Variants in TTC39B observed in about 807,000 individuals in gnomAD.
TTC39B encodes the protein tetratricopeptide repeat domain 39B.
Under a neutral mutation model 96.6 loss-of-function variants are expected in TTC39B, and 92 were observed. The observed-to-expected ratio is 0.95, with a 90% CI of 0.80 to 1.13. The LOEUF is 1.13. Among genes scored for constraint, TTC39B ranks in the 50% most tolerant of loss-of-function variants. The probability of loss-of-function intolerance (pLI) is 0.00; values close to 1 mark genes in which losing one functional copy is unlikely to be tolerated. For missense variants in TTC39B, 955 were observed against 809.3 expected (o/e 1.18, Z -2.18); for synonymous variants, 367 against 299.4 (o/e 1.23, Z -2.33).
chr9:15,289,377 CA>C (rs1824096903), intron 1 of TTC39B, among the ~76,000 whole-genome samples: 2 of 152,176 alleles, frequency 1.3e-5, no homozygotes, highest in Admixed American at 6.5e-5. Context: ...ACTTTATACA[CA>C]AATGCTAATT....
intron 2 of TTC39B, among the ~76,000 whole-genome samples, chr9:15,248,819 T>C (rs1358523425): frequency 2.0e-5 from 3 of 152,166 alleles, no homozygotes; most frequent in Non-Finnish European, 4.4e-5. Flanking sequence ...CCTTGATTTA[T>C]TTTACCCTGC....
At chr9:15,173,130 A>C (rs1335411408) in intron 19 of TTC39B, among the ~76,000 whole-genome samples, 1 of 152,152 alleles carries the variant, frequency 6.6e-6, no homozygotes, top group African/African-American at 2.4e-5. Flanking sequence ...TTATCTTATA[A>C]AGTTGCCTTA....
At position 15,211,133 on chromosome 9, in the gene TTC39B, G is replaced by A. The variant is rs1161650900; in HGVS notation, c.614+133C>T. 5 of 1,046,156 alleles carry A rather than the reference G, an allele frequency of 4.8e-6. No individual in the cohort carries two copies. In the South Asian group the frequency reaches 8.4e-5, roughly 18 times the overall value. 64.8% of individuals were successfully genotyped at this position (1,046,156 alleles called of 1,614,324 possible). ...TGCCAAATGGGAATCCTTCAGCTTC[G>A]AGGCTGAATTTCTTTTCTGTAACTG... On this transcript the variant is annotated intron_variant, in intron 5 of 19. Transcript: ENST00000512701.
At chr9:15,244,951 T>C (rs1041078157) in intron 2 of TTC39B, among the ~76,000 whole-genome samples, 1 of 151,330 alleles carries the variant, frequency 6.6e-6, no homozygotes, top group South Asian at 2.1e-4. Flanking sequence ...AGAAAAAAAA[T>C]AAAGGCTTCC....
intron 7 of TTC39B, among the ~76,000 whole-genome samples, chr9:15,202,293 C>T (rs1245936327): frequency 1.3e-5 from 2 of 152,152 alleles, no homozygotes; most frequent in Non-Finnish European, 2.9e-5. Flanking sequence ...TGTTATCAAC[C>T]AGTCTTTGTA....
At chr9:15,208,824 C>T (rs1564347964) in intron 6 of TTC39B, among the ~76,000 whole-genome samples, 1 of 152,144 alleles carries the variant, frequency 6.6e-6, no homozygotes, top group African/African-American at 2.4e-5. Flanking sequence ...AATACTCTAG[C>T]TTCACATCAT....
intron 3 of TTC39B, among the ~76,000 whole-genome samples, chr9:15,217,589 G>C (rs879311278): frequency 3.3e-5 from 5 of 152,154 alleles, no homozygotes; most frequent in Admixed American, 2.0e-4. Context: ...CTTCTGTCAA[G>C]TATCTCTCGG....
At chr9:15,204,943 C>CT (rs1297628456) in intron 6 of TTC39B, among the ~76,000 whole-genome samples, 1 of 152,166 alleles carries the variant, frequency 6.6e-6, no homozygotes, top group Non-Finnish European at 1.5e-5. Context: ...CAAACCTTTA[C>CT]TTTTTTCCAT....
At chr9:15,198,432 G>C (rs1819310233) in intron 8 of TTC39B, among the ~76,000 whole-genome samples, 1 of 148,638 alleles carries the variant, frequency 6.7e-6, no homozygotes, top group Non-Finnish European at 1.5e-5. Context: ...ACTCCAGCCT[G>C]GGCAACAAAG....
chr9:15,275,843 C>A (rs114094168), intron 1 of TTC39B, among the ~76,000 whole-genome samples: 38 of 152,302 alleles, frequency 2.5e-4, no homozygotes, highest in Non-Finnish European at 4.7e-4. Flanking sequence ...TCCATCTTCA[C>A]TCACAGTGTT....
intron 2 of TTC39B, among the ~76,000 whole-genome samples, chr9:15,230,866 T>C (rs1821382680): frequency 6.6e-6 from 1 of 152,082 alleles, no homozygotes; most frequent in African/African-American, 2.4e-5. Context: ...ACACCCGTAA[T>C]TCCAGCTACT....
intron 1 of TTC39B, among the ~76,000 whole-genome samples, chr9:15,273,080 G>C (rs139475439): frequency 1.3e-5 from 2 of 152,312 alleles, no homozygotes; most frequent in African/African-American, 2.4e-5. Context: ...GTCATATTCT[G>C]AGTAGCAAAA....
At chr9:15,266,175 A>G (rs968736157) in intron 2 of TTC39B, among the ~76,000 whole-genome samples, 1 of 152,038 alleles carries the variant, frequency 6.6e-6, no homozygotes, top group Non-Finnish European at 1.5e-5. Context: ...AATACTCTGT[A>G]CTACCTCCTC....
intron 3 of TTC39B, among the ~76,000 whole-genome samples, chr9:15,217,047 C>A (rs1328012298): frequency 6.6e-6 from 1 of 152,070 alleles, no homozygotes; most frequent in Non-Finnish European, 1.5e-5. Context: ...ATGGGAATAT[C>A]TAGGTTGAGG....
chr9:15,234,361 G>C (rs1821651418), intron 2 of TTC39B, among the ~76,000 whole-genome samples: 1 of 145,466 alleles, frequency 6.9e-6, no homozygotes, highest in Non-Finnish European at 1.5e-5. Context: ...GGAGGTGGGG[G>C]GGTCAGCCCC....
At chr9:15,282,663 A>G (rs1823810212) in intron 1 of TTC39B, among the ~76,000 whole-genome samples, 1 of 152,194 alleles carries the variant, frequency 6.6e-6, no homozygotes, top group Non-Finnish European at 1.5e-5. Context: ...CTGCTCCACA[A>G]ACTTTTACAT....
intron 2 of TTC39B, among the ~76,000 whole-genome samples, chr9:15,262,626 C>G (rs1388760275): frequency 6.6e-6 from 1 of 151,742 alleles, no homozygotes; most frequent in Non-Finnish European, 1.5e-5. Context: ...CCACAAAGAT[C>G]CAGAGGTAGG....
chr9:15,276,880 C>T (rs755169082), intron 1 of TTC39B, among the ~76,000 whole-genome samples: 2 of 152,186 alleles, frequency 1.3e-5, no homozygotes, highest in African/African-American at 2.4e-5. Flanking sequence ...TACAACTTCA[C>T]AGGATATTAA....
chr9:15,266,962 C>G (rs549756025), intron 2 of TTC39B, among the ~76,000 whole-genome samples: 9 of 152,236 alleles, frequency 5.9e-5, no homozygotes, highest in African/African-American at 2.2e-4. Flanking sequence ...AGCTGTAATC[C>G]CAGCTACTTG....
Sources: gnomAD v4.1 joint callset for allele counts (sites outside exome capture counted in the v4.1 genomes callset) on GRCh38, gnomAD v4.1.1 for gene constraint, MANE v1.5 for transcripts, NCBI Gene and HGNC (gene_info 2026-07-23, HGNC 2026-07-21) for gene names.